ZNF385D: variants seen among roughly 807,000 people sequenced by gnomAD.
ZNF385D encodes zinc finger protein 385D.
In ZNF385D, 15 loss-of-function variants were observed where a neutral mutation model predicts 35.8. The observed-to-expected ratio is 0.42, with a 90% CI of 0.28 to 0.64. The LOEUF (loss-of-function observed/expected upper bound fraction) is 0.64, where lower values mean the gene tolerates loss of function less well. Among genes scored for constraint, ZNF385D ranks in the 30% least tolerant of loss-of-function variants. The pLI, the probability that ZNF385D is intolerant of heterozygous loss-of-function variation, is 0.23. For missense variants in ZNF385D, 474 were observed against 494.6 expected (o/e 0.96, Z 0.39); for synonymous variants, 212 against 186.8 (o/e 1.13, Z -1.10).
intron 4 of ZNF385D, among the ~76,000 whole-genome samples, chr3:21,494,427 T>G (rs573343777): frequency 6.6e-6 from 1 of 152,244 alleles, no homozygotes; most frequent in South Asian, 2.1e-4. Context: ...CCTTGAGTAA[T>G]ATAGCAGACA....
At chr3:21,942,008 G>A (rs611545) in intron 3 of ZNF385D, among the ~76,000 whole-genome samples, 39,607 of 151,928 alleles carry the variant, frequency 0.26, 5,864 homozygotes, top group Admixed American at 0.41. Flanking sequence ...CGCTTTCCTG[G>A]AACTTTTCTC....
rs920876874 is a variant in ZNF385D, at chr3:21,441,821, A to G, written c.440-4618T>C. 34 of 738,638 alleles carry G rather than the reference A, an allele frequency of 4.6e-5. No homozygotes were observed. The African/African-American group carries it at 6.5e-4, about 14-fold the overall frequency. The allele number at this position is 738,638 out of a possible 1,614,324, so 45.8% of individuals were successfully genotyped here. ...AGGCTGATTCAGATTTCTTTGCACTACTCTACCAAAGACTCTGGGACAATA... is the reference window on the plus strand; with the variant it reads ...AGGCTGATTCAGATTTCTTTGCACTGCTCTACCAAAGACTCTGGGACAATA... On this transcript the variant is annotated intron_variant, in intron 4 of 7. Coordinates refer to ENST00000281523, the MANE Select transcript of ZNF385D (RefSeq NM_024697.3).
At chr3:22,039,328 AAAATGTCAACTTCCT>A (rs1698526244) in intron 3 of ZNF385D, among the ~76,000 whole-genome samples, 1 of 151,862 alleles carries the variant, frequency 6.6e-6, no homozygotes, top group Non-Finnish European at 1.5e-5. Flanking sequence ...CTATTCCCAG[AAAATGTCAACTTCCT>A]AAAATCAGGC....
At chr3:21,482,707 G>A (rs1704723568) in intron 4 of ZNF385D, among the ~76,000 whole-genome samples, 2 of 152,074 alleles carry the variant, frequency 1.3e-5, no homozygotes, top group South Asian at 4.1e-4. Flanking sequence ...TCAAATGTAA[G>A]GCTTTGAATA....
intron 2 of ZNF385D, among the ~76,000 whole-genome samples, chr3:22,327,007 T>C (rs1046728079): frequency 6.6e-6 from 1 of 152,164 alleles, no homozygotes; most frequent in African/African-American, 2.4e-5. Flanking sequence ...AACTCCTCCC[T>C]GTAAGGGAGA....
chr3:22,249,259 A>G (rs1276668331), intron 2 of ZNF385D, among the ~76,000 whole-genome samples: 1 of 152,168 alleles, frequency 6.6e-6, no homozygotes, highest in Admixed American at 6.6e-5. Flanking sequence ...ACATTGCAAT[A>G]CACAACCAGA....
intron 3 of ZNF385D, among the ~76,000 whole-genome samples, chr3:22,105,511 C>A (rs1021713994): frequency 1.3e-5 from 2 of 152,080 alleles, no homozygotes; most frequent in Non-Finnish European, 2.9e-5. Context: ...AGAAGTCCCA[C>A]AGTCTGCTGT....
intron 2 of ZNF385D, among the ~76,000 whole-genome samples, chr3:22,192,802 C>T (rs1240354325): frequency 1.3e-5 from 2 of 152,168 alleles, no homozygotes; most frequent in East Asian, 3.8e-4. Context: ...TCTGCCTCCT[C>T]TACACAAATT....
chr3:21,578,445 G>C (rs1035965204), intron 2 of ZNF385D, among the ~76,000 whole-genome samples: 1 of 152,018 alleles, frequency 6.6e-6, no homozygotes, highest in Non-Finnish European at 1.5e-5. Context: ...ACTTCTAATA[G>C]AGTTATAGTT....
intron 3 of ZNF385D, among the ~76,000 whole-genome samples, chr3:22,156,475 G>A (rs1705589298): frequency 6.6e-6 from 1 of 152,078 alleles, no homozygotes; most frequent in Admixed American, 6.6e-5. Context: ...TAGGTTTAGA[G>A]AGAGAGAGAA....
chr3:22,325,013 C>G (rs1012617140), intron 2 of ZNF385D, among the ~76,000 whole-genome samples: 1 of 152,166 alleles, frequency 6.6e-6, no homozygotes, highest in Non-Finnish European at 1.5e-5. Flanking sequence ...GTTATAATAA[C>G]AGTACGTACT....
At chr3:21,978,869 T>A (rs573932333) in intron 3 of ZNF385D, among the ~76,000 whole-genome samples, 1 of 151,628 alleles carries the variant, frequency 6.6e-6, no homozygotes, top group Non-Finnish European at 1.5e-5. Context: ...TATTCACAAA[T>A]ATTCAACTTA....
intron 3 of ZNF385D, among the ~76,000 whole-genome samples, chr3:21,799,998 T>A (rs2072324706): frequency 6.6e-6 from 1 of 152,188 alleles, no homozygotes; most frequent in African/African-American, 2.4e-5. Context: ...AAATATTGGT[T>A]GAAAAGACCA....
intron 3 of ZNF385D, among the ~76,000 whole-genome samples, chr3:22,159,135 TA>T (rs1161844818): frequency 6.6e-6 from 1 of 151,690 alleles, no homozygotes; most frequent in African/African-American, 2.4e-5. Flanking sequence ...GTTCACACAT[TA>T]AAAAAAATTC....
At chr3:21,831,811 T>C (rs1288931810) in intron 3 of ZNF385D, among the ~76,000 whole-genome samples, 1 of 152,194 alleles carries the variant, frequency 6.6e-6, no homozygotes, top group African/African-American at 2.4e-5. Context: ...TGTATTTTGT[T>C]ACCCTGTATT....
At chr3:22,139,105 T>A (rs1170963428) in intron 3 of ZNF385D, among the ~76,000 whole-genome samples, 1 of 152,038 alleles carries the variant, frequency 6.6e-6, no homozygotes, top group Admixed American at 6.6e-5. Context: ...CATTAAAAAG[T>A]CAGGAAACAA....
intron 3 of ZNF385D, among the ~76,000 whole-genome samples, chr3:22,160,805 A>T (rs1705901638): frequency 6.6e-6 from 1 of 152,154 alleles, no homozygotes; most frequent in Admixed American, 6.6e-5. Context: ...CCCAAATATG[A>T]CAAAGATAGT....
At chr3:21,964,181 T>TA (rs1334275838) in intron 3 of ZNF385D, among the ~76,000 whole-genome samples, 1 of 151,586 alleles carries the variant, frequency 6.6e-6, no homozygotes, top group East Asian at 1.9e-4. Flanking sequence ...TTAGCCAGGA[T>TA]AAAAAAAATC....
chr3:22,062,334 C>T (rs758119133), intron 3 of ZNF385D, among the ~76,000 whole-genome samples: 15 of 152,112 alleles, frequency 9.9e-5, no homozygotes, highest in Non-Finnish European at 1.5e-4. Flanking sequence ...GAATTACAGC[C>T]GTGAGTCACT....
Sources: allele counts gnomAD v4.1 joint callset (sites outside exome capture counted in the v4.1 genomes callset), GRCh38; gene constraint gnomAD v4.1.1; transcripts MANE v1.5; gene names NCBI Gene and HGNC (gene_info 2026-07-23, HGNC 2026-07-21).